Variants in CTCF observed in about 807,000 individuals in gnomAD.
The protein encoded by CTCF is transcriptional repressor CTCF.
CTCF carries 7 observed loss-of-function variants against 72.3 expected under a neutral mutation model. That is an observed-to-expected ratio of 0.10 (90% confidence interval 0.06 to 0.18). The LOEUF (loss-of-function observed/expected upper bound fraction) is 0.18, where lower values mean the gene tolerates loss of function less well. CTCF is among the 10% of genes least tolerant of loss of function. CTCF has a pLI of 1.00. For missense variants in CTCF, 516 were observed against 949.1 expected, an observed-to-expected ratio of 0.54 and a Z score of 6.00; for synonymous variants, 374 against 315.8, an observed-to-expected ratio of 1.18 and a Z score of -1.95.
intron 2 of CTCF, among the ~76,000 whole-genome samples, chr16:67,594,498 C>T (rs953523624): frequency 6.6e-6 from 1 of 151,692 alleles, no homozygotes; most frequent in Admixed American, 6.6e-5. Context: ...CCCAGGGGTT[C>T]GAGAACAGCC....
At chr16:67,633,819 C>T (rs2052396390) in intron 10 of CTCF, among the ~76,000 whole-genome samples, 1 of 151,994 alleles carries the variant, frequency 6.6e-6, no homozygotes, top group African/African-American at 2.4e-5. Flanking sequence ...CACACACTCT[C>T]ACTCACTCAC....
rs1360231601 is a variant in CTCF at position 67,639,065 on chromosome 16, A to G, written c.*1193A>G. 9.9e-6 allele frequency: 2 copies of G among 202,480 alleles called. 1 individual carries two copies. Among genetic ancestry groups the G allele is most frequent in the East Asian group, 1.5e-4 (2 of 13,162 alleles). 12.5% of individuals were successfully genotyped at this position (202,480 alleles called of 1,614,324 possible). On this transcript the variant is annotated 3_prime_UTR_variant, in exon 12 of 12. Transcript: ENST00000264010. ...TTAGCTGTACTGTGTGATATTTTTC[A>G]TTATTTTAGGACGCCAACATGAGAC...
chr16:67,577,331 T>G, intron 2 of CTCF, among the ~76,000 whole-genome samples: 1 of 136,080 alleles, frequency 7.3e-6, no homozygotes. Flanking sequence ...GGTGGGAGAA[T>G]GGTGTGAACC....
intron 7 of CTCF, among the ~76,000 whole-genome samples, chr16:67,623,833 A>G (rs867643970): frequency 6.6e-6 from 1 of 152,010 alleles, no homozygotes; most frequent in Non-Finnish European, 1.5e-5. Flanking sequence ...GCGGATCACA[A>G]GGTCAGGAGA....
intron 2 of CTCF, among the ~76,000 whole-genome samples, chr16:67,608,139 A>G (rs1025794940): frequency 4.6e-5 from 7 of 151,856 alleles, no homozygotes; most frequent in South Asian, 2.1e-4. Context: ...CCTGGCTAAC[A>G]TGGTGAAACC....
chr16:67,574,131 A>G (rs1340184196), intron 2 of CTCF, among the ~76,000 whole-genome samples: 4 of 152,080 alleles, frequency 2.6e-5, no homozygotes, highest in African/African-American at 7.2e-5. Flanking sequence ...CATCTACCCA[A>G]GATGGTGTCA....
intron 2 of CTCF, among the ~76,000 whole-genome samples, chr16:67,603,856 C>T (rs1430265990): frequency 2.0e-5 from 3 of 148,236 alleles, no homozygotes; most frequent in South Asian, 2.1e-4. Flanking sequence ...AGGCCAGGCA[C>T]GGTGGTTTAT....
rs754060008 is a variant in CTCF at position 67,587,100 on chromosome 16, A to ATTTT, written c.-10+15856_-10+15859dup. Among the ~76,000 whole-genome samples the ATTTT allele has an allele frequency of 1.1e-3, 112 of 98,728 alleles. 1 individual carries two copies. The highest frequency in any genetic ancestry group is 1.7e-3 in the Non-Finnish European group (83 of 49,166). 64.8% of individuals were successfully genotyped at this position (98,728 alleles called of 152,430 possible). On this transcript the variant is annotated intron_variant, in intron 2 of 11. Coordinates refer to ENST00000264010, the MANE Select transcript of CTCF (RefSeq NM_006565.4). ...TTTTAGGGTAGGTAACTTCTTAAAC[A>ATTTT]TTTTTTTTTTTTTTTTTTTTTTTGG...
At chr16:67,631,160 T>TG (rs2052358118) in intron 10 of CTCF, among the ~76,000 whole-genome samples, 3 of 135,600 alleles carry the variant, frequency 2.2e-5, no homozygotes, top group African/African-American at 8.5e-5. Context: ...GTTTGTTTTT[T>TG]TTTTGTTTTT....
intron 4 of CTCF, 57 bp from the exon 5 acceptor site, chr16:67,616,687 CT>C: frequency 6.3e-7 from 1 of 1,595,740 alleles, no homozygotes; most frequent in Non-Finnish European, 8.6e-7. Flanking sequence ...ACACATTGAA[CT>C]CTGTCATTAA....
intron 2 of CTCF, among the ~76,000 whole-genome samples, chr16:67,597,032 T>C (rs1332274586): frequency 6.6e-6 from 1 of 152,164 alleles, no homozygotes; most frequent in Non-Finnish European, 1.5e-5. Context: ...TGTGTGTTTT[T>C]GTTTGTTTTG....
chr16:67,609,870 C>T (rs1374777276), intron 2 of CTCF, among the ~76,000 whole-genome samples: 1 of 152,160 alleles, frequency 6.6e-6, no homozygotes, highest in East Asian at 1.9e-4. Flanking sequence ...CGGTAATCTG[C>T]CCGCCTCAGC....
At chr16:67,621,083 T>G (rs1392696862) in intron 6 of CTCF, 1 of 368,376 alleles carries the variant, frequency 2.7e-6, no homozygotes, top group Non-Finnish European at 4.8e-6. Context: ...AATGGACAGA[T>G]TTTAATTTTA....
chr16:67,583,700 C>A (rs1015747312), intron 2 of CTCF, among the ~76,000 whole-genome samples: 7 of 149,524 alleles, frequency 4.7e-5, no homozygotes, highest in Admixed American at 6.7e-5. Flanking sequence ...AAAAAAAAAA[C>A]AAAAGAGCAT....
At chr16:67,637,651 A>G (rs1297737549) in intron 11 of CTCF, 37 bp from the exon 12 acceptor site, 3 of 1,574,384 alleles carry the variant, frequency 1.9e-6, no homozygotes, top group Non-Finnish European at 2.6e-6. Context: ...TGGGGCTTTA[A>G]TGGACCATTT....
At chr16:67,614,065 A>G (rs1784632654) in intron 4 of CTCF, among the ~76,000 whole-genome samples, 1 of 152,080 alleles carries the variant, frequency 6.6e-6, no homozygotes. Flanking sequence ...ATGCTGTAGC[A>G]GCCGGGCGCC....
intron 10 of CTCF, among the ~76,000 whole-genome samples, chr16:67,631,680 A>C (rs192616879): frequency 0.23 from 13,359 of 57,290 alleles, 15 homozygotes; most frequent in East Asian, 0.34. Context: ...GGTCCCCCCC[A>C]CCCCCCCCCC....
intron 2 of CTCF, among the ~76,000 whole-genome samples, chr16:67,585,470 G>A (rs1425215518): frequency 6.6e-6 from 1 of 152,196 alleles, no homozygotes; most frequent in Admixed American, 6.5e-5. Context: ...TAATATTAAA[G>A]TTCAGTATCT....
At chr16:67,598,606 GAAA>G (rs1022971505) in intron 2 of CTCF, among the ~76,000 whole-genome samples, 2 of 152,138 alleles carry the variant, frequency 1.3e-5, no homozygotes, top group African/African-American at 4.8e-5. Flanking sequence ...CACAATGAAA[GAAA>G]AAAATTTCCT....
Sources: allele counts gnomAD v4.1 joint callset (sites outside exome capture counted in the v4.1 genomes callset), GRCh38; gene constraint gnomAD v4.1.1; transcripts MANE v1.5; gene names NCBI Gene and HGNC (gene_info 2026-07-23, HGNC 2026-07-21).